Variants in STAM2 observed in about 807,000 individuals in gnomAD.
The protein encoded by STAM2 is signal transducing adaptor molecule 2.
A neutral mutation model predicts 65.6 loss-of-function variants in STAM2; 51 were observed. The ratio of observed to expected loss-of-function variants is 0.78; its 90% CI spans 0.62 to 0.98. STAM2 has a LOEUF of 0.98. STAM2 is among the 50% of genes least tolerant of loss of function. The pLI is 0.00. For synonymous variants in STAM2, 198 were observed against 208.4 expected, an observed-to-expected ratio of 0.95 and a Z score of 0.43; for missense variants, 584 against 617.8, an observed-to-expected ratio of 0.95 and a Z score of 0.58.
intron 9 of STAM2, 53 bp downstream of exon 9, chr2:152,133,349 A>C: frequency 4.5e-6 from 7 of 1,540,404 alleles, no homozygotes; most frequent in Non-Finnish European, 6.3e-6. Flanking sequence ...TCTCAAAGAT[A>C]GTACATTTAA....
intron 2 of STAM2, among the ~76,000 whole-genome samples, chr2:152,149,496 C>CTTT (rs70974823): frequency 4.7e-4 from 60 of 126,588 alleles, no homozygotes; most frequent in African/African-American, 1.5e-3. Context: ...ATAGTCTACT[C>CTTT]TTTTTTTTTT....
chr2:152,123,085 T>C (rs1021604096), intron 13 of STAM2, among the ~76,000 whole-genome samples: 1 of 150,186 alleles, frequency 6.7e-6, no homozygotes, highest in African/African-American at 2.5e-5. Flanking sequence ...AAAAAAAAAC[T>C]TGGCCAGGCG....
intron 1 of STAM2, among the ~76,000 whole-genome samples, chr2:152,162,120 G>C (rs1247926545): frequency 6.6e-6 from 1 of 152,170 alleles, no homozygotes; most frequent in African/African-American, 2.4e-5. Flanking sequence ...ACTGTGCCCA[G>C]CCCAATCTGC....
chr2:152,171,563 C>T (rs1689899299), intron 1 of STAM2, among the ~76,000 whole-genome samples: 1 of 152,198 alleles, frequency 6.6e-6, no homozygotes, highest in Admixed American at 6.5e-5. Context: ...TATAAAATTT[C>T]ACTGGAGAAA....
chr2:152,162,333 A>T (rs1441347185), intron 1 of STAM2, among the ~76,000 whole-genome samples: 2 of 151,612 alleles, frequency 1.3e-5, no homozygotes, highest in East Asian at 3.9e-4. Context: ...GCACTTTGGG[A>T]GGCCAAGGCA....
intron 1 of STAM2, among the ~76,000 whole-genome samples, chr2:152,166,202 AC>A (rs1026839457): frequency 1.3e-5 from 2 of 152,188 alleles, no homozygotes; most frequent in African/African-American, 4.8e-5. Context: ...GACAAAGCCC[AC>A]AATGACATAC....
At chr2:152,139,952 G>C (rs1240209306) in intron 7 of STAM2, among the ~76,000 whole-genome samples, 1 of 152,116 alleles carries the variant, frequency 6.6e-6, no homozygotes, top group Non-Finnish European at 1.5e-5. Context: ...ATAATTTAAA[G>C]TATACAGGAA....
intron 7 of STAM2, among the ~76,000 whole-genome samples, chr2:152,141,277 T>C (rs1388930362): frequency 6.6e-6 from 1 of 152,138 alleles, no homozygotes; most frequent in African/African-American, 2.4e-5. Context: ...GGCTCACGCC[T>C]GTAATCCCAG....
intron 1 of STAM2, among the ~76,000 whole-genome samples, chr2:152,171,405 A>G (rs1256555252): frequency 7.9e-6 from 1 of 125,824 alleles, no homozygotes; most frequent in African/African-American, 3.5e-5. Flanking sequence ...AAACCAAAAA[A>G]CTTTTTAAAA....
chr2:152,175,128 T>C (rs1444642800), intron 1 of STAM2, among the ~76,000 whole-genome samples: 1 of 152,152 alleles, frequency 6.6e-6, no homozygotes, highest in Non-Finnish European at 1.5e-5. Flanking sequence ...ATATAAATAA[T>C]GGGGAAGTAA....
intron 6 of STAM2, 33 bp from the exon 7 acceptor site, chr2:152,144,046 G>T: frequency 6.7e-7 from 1 of 1,484,328 alleles, no homozygotes; most frequent in African/African-American, 1.4e-5. Context: ...AAAGAAACTG[G>T]AATTAATTTT....
chr2:152,154,357 C>T (rs187090914), intron 1 of STAM2, among the ~76,000 whole-genome samples: 1 of 152,346 alleles, frequency 6.6e-6, no homozygotes, highest in Admixed American at 6.5e-5. Flanking sequence ...GTGGCACACA[C>T]CTATCATCCC....
At chr2:152,132,335 T>A (rs1484948569) in intron 10 of STAM2, among the ~76,000 whole-genome samples, 167 bp from the exon 11 acceptor site, 1 of 152,200 alleles carries the variant, frequency 6.6e-6, no homozygotes, top group African/African-American at 2.4e-5. Context: ...CATATTACTA[T>A]CATGTGACTA....
Position 152,135,573 on chromosome 2 carries a change from G to A in STAM2, c.735C>T (p.His245=), listed in dbSNP as rs1389677803. 1.9e-6 allele frequency: 3 copies of A among 1,612,094 alleles called. No homozygotes were observed. The South Asian group carries it at 3.3e-5, about 18-fold the overall frequency. Residue 245 remains histidine, a synonymous_variant, in exon 8 of 14, where the codon CAC becomes CAT. Transcript: ENST00000263904. ...TGGATGGGAAAAGTCCTATTCCTCT[G>A]TGATTTTCTCCTTTCCACCAATTGG... ...SDANWWKGEN[H]RGIGLFPSNF...
chr2:152,174,052 C>A (rs1364576853), intron 1 of STAM2, among the ~76,000 whole-genome samples: 2 of 152,116 alleles, frequency 1.3e-5, no homozygotes, highest in Non-Finnish European at 2.9e-5. Flanking sequence ...AAACTGTGAT[C>A]CACTAAACCA....
intron 7 of STAM2, among the ~76,000 whole-genome samples, chr2:152,136,151 A>G (rs926114982): frequency 7.9e-5 from 12 of 151,900 alleles, no homozygotes; most frequent in African/African-American, 2.9e-4. Context: ...TCTGGACTTT[A>G]AAAAAGTAAG....
chr2:152,145,473 C>T (rs569495418), intron 5 of STAM2, among the ~76,000 whole-genome samples: 1 of 152,328 alleles, frequency 6.6e-6, no homozygotes, highest in East Asian at 1.9e-4. Flanking sequence ...AGGGATCAAA[C>T]TGGCTTAGAT....
chr2:152,143,474 T>C (rs1689285911), intron 7 of STAM2, among the ~76,000 whole-genome samples: 1 of 152,234 alleles, frequency 6.6e-6, no homozygotes, highest in South Asian at 2.1e-4. Context: ...ATCAAGGGTA[T>C]ATTGCTGTAT....
chr2:152,124,759 A>T (rs1159497905), intron 12 of STAM2: 3 of 152,228 alleles, frequency 2.0e-5, no homozygotes, highest in Non-Finnish European at 4.4e-5. Flanking sequence ...TATATTAAGT[A>T]CAATCACATT....
Sources: gnomAD v4.1 joint callset for allele counts (sites outside exome capture counted in the v4.1 genomes callset) on GRCh38, gnomAD v4.1.1 for gene constraint, MANE v1.5 for transcripts, NCBI Gene and HGNC (gene_info 2026-07-23, HGNC 2026-07-21) for gene names.